The following ANKRD17 variants were observed in gnomAD, a reference collection of about 807,000 sequenced individuals.
The protein encoded by ANKRD17 is ankyrin repeat domain 17, also known as ankyrin repeat domain-containing protein 17.
Under a neutral mutation model 229.7 loss-of-function variants are expected in ANKRD17, and 19 were observed. The observed-to-expected ratio is 0.08, with a 90% CI of 0.06 to 0.12. The LOEUF (loss-of-function observed/expected upper bound fraction) is 0.12, where lower values mean the gene tolerates loss of function less well. Ranked by LOEUF, ANKRD17 falls within the 10% of genes least tolerant of loss-of-function variation. The pLI, the probability that ANKRD17 is intolerant of heterozygous loss-of-function variation, is 1.00. For synonymous variants in ANKRD17, 1,112 were observed against 1,146.1 expected, an observed-to-expected ratio of 0.97 and a Z score of 0.60; for missense variants, 2,176 against 3,176.8, an observed-to-expected ratio of 0.68 and a Z score of 7.57.
chr4:73,198,825 T>C (rs1008136891), intron 1 of ANKRD17, among the ~76,000 whole-genome samples: 3 of 152,158 alleles, frequency 2.0e-5, no homozygotes, highest in Admixed American at 6.5e-5. Flanking sequence ...CATTCTCCCA[T>C]GAATTGTATG....
chr4:73,155,529 T>C (rs1731550120), intron 5 of ANKRD17, 102 bp downstream of exon 5: 3 of 1,310,756 alleles, frequency 2.3e-6, no homozygotes, highest in Non-Finnish European at 3.2e-6. Flanking sequence ...GCACTTCTAA[T>C]AAGAGAACTG....
chr4:73,088,413 A>G (rs1022330185), intron 29 of ANKRD17, among the ~76,000 whole-genome samples: 1 of 152,160 alleles, frequency 6.6e-6, no homozygotes, highest in Non-Finnish European at 1.5e-5. Context: ...TACACTCCCT[A>G]AAAACCTCAC....
chr4:73,173,324 T>C (rs1042478484), intron 2 of ANKRD17, among the ~76,000 whole-genome samples: 1 of 152,152 alleles, frequency 6.6e-6, no homozygotes, highest in African/African-American at 2.4e-5. Context: ...AAGGTAAAGA[T>C]AGAACCCCAA....
intron 1 of ANKRD17, among the ~76,000 whole-genome samples, chr4:73,184,196 G>A (rs1271053278): frequency 1.3e-5 from 2 of 152,124 alleles, no homozygotes; most frequent in African/African-American, 4.8e-5. Flanking sequence ...GGTTCGTTCT[G>A]TAGTTTAATA....
At chr4:73,241,086 C>G (rs1378877939) in intron 1 of ANKRD17, among the ~76,000 whole-genome samples, 2 of 152,040 alleles carry the variant, frequency 1.3e-5, no homozygotes, top group East Asian at 3.9e-4. Flanking sequence ...GCTAGGATTA[C>G]AGATGTGAGC....
At chr4:73,113,182 G>C (rs1188057047) in intron 24 of ANKRD17, 1 of 1,283,378 alleles carries the variant, frequency 7.8e-7, no homozygotes. Context: ...TTAAGTTCTA[G>C]AGTACAGAAT....
chr4:73,213,238 C>G lies in ANKRD17; in HGVS notation c.394-35705G>C, dbSNP rs145398244. On this transcript the variant is annotated intron_variant, in intron 1 of 33. Transcript: ENST00000358602. ...TAGGCAAGTGGCAACAGGACAGATT[C>G]AAGGTTAGAACCAGGTAAGGATAAA... 6.1e-3 allele frequency among the ~76,000 whole-genome samples: 933 copies of G among 152,154 alleles called. 11 individuals carry two copies. Among genetic ancestry groups the G allele is most frequent in the African/African-American group, 0.019 (777 of 41,500 alleles).
At chr4:73,250,588 T>TAAAAAAAA (rs1744906611) in intron 1 of ANKRD17, among the ~76,000 whole-genome samples, 1 of 6,262 alleles carries the variant, frequency 1.6e-4, no homozygotes, top group African/African-American at 2.3e-3. Context: ...TGACCTTGTC[T>TAAAAAAAA]CAAAAAAAAA....
At chr4:73,169,917 T>C (rs939896861) in intron 2 of ANKRD17, among the ~76,000 whole-genome samples, 1 of 151,950 alleles carries the variant, frequency 6.6e-6, no homozygotes, top group African/African-American at 2.4e-5. Context: ...ATCCCAGCAG[T>C]CCAAATTTGA....
chr4:73,197,744 G>C (rs2149093303), intron 1 of ANKRD17, among the ~76,000 whole-genome samples: 1 of 152,188 alleles, frequency 6.6e-6, no homozygotes, highest in South Asian at 2.1e-4. Context: ...ACTGTGCCCA[G>C]GAGTTTGAGG....
intron 15 of ANKRD17, among the ~76,000 whole-genome samples, chr4:73,137,837 G>A (rs1367312259): frequency 6.6e-6 from 1 of 151,934 alleles, no homozygotes; most frequent in Non-Finnish European, 1.5e-5. Context: ...AATTGTTTTT[G>A]TTTCATGTAT....
intron 1 of ANKRD17, among the ~76,000 whole-genome samples, chr4:73,189,407 T>TG (rs1267076660): frequency 7.1e-6 from 1 of 140,586 alleles, no homozygotes; most frequent in Non-Finnish European, 1.6e-5. Flanking sequence ...TGGAATGTTT[T>TG]TTTTTTTTTT....
chr4:73,161,858 A>G (rs1283223110), intron 2 of ANKRD17, among the ~76,000 whole-genome samples: 1 of 152,062 alleles, frequency 6.6e-6, no homozygotes, highest in Non-Finnish European at 1.5e-5. Flanking sequence ...GGAAATGTCT[A>G]CATTTTATTT....
At chr4:73,256,008 G>A (rs553370007) in intron 1 of ANKRD17, among the ~76,000 whole-genome samples, 20 of 152,312 alleles carry the variant, frequency 1.3e-4, no homozygotes, top group African/African-American at 4.6e-4. Flanking sequence ...TTACAGGCGT[G>A]AGCTACCACG....
At chr4:73,170,223 G>T (rs1160339356) in intron 2 of ANKRD17, among the ~76,000 whole-genome samples, 2 of 151,992 alleles carry the variant, frequency 1.3e-5, no homozygotes, top group Non-Finnish European at 2.9e-5. Context: ...TTGCATCTTG[G>T]ATACAAGCTT....
chr4:73,171,972 G>A (rs1269769050), intron 2 of ANKRD17, among the ~76,000 whole-genome samples: 2 of 152,110 alleles, frequency 1.3e-5, no homozygotes, highest in Admixed American at 6.6e-5. Context: ...TTAAAGAGGA[G>A]GTAAAGAAAG....
At chr4:73,172,990 A>C (rs1423181282) in intron 2 of ANKRD17, among the ~76,000 whole-genome samples, 1 of 152,194 alleles carries the variant, frequency 6.6e-6, no homozygotes, top group East Asian at 1.9e-4. Context: ...AATGGACTTA[A>C]AGGACTACAA....
At position 73,204,146 on chromosome 4, in the gene ANKRD17, C is replaced by T. The variant is rs1739103747; in HGVS notation, c.394-26613G>A. 2.6e-5 allele frequency among the ~76,000 whole-genome samples: 4 copies of T among 151,788 alleles called. No individual in the cohort carries two copies. The South Asian group carries it at 8.3e-4, about 31-fold the overall frequency. On this transcript the variant is annotated intron_variant, in intron 1 of 33. Coordinates refer to ENST00000358602, the MANE Select transcript of ANKRD17 (RefSeq NM_032217.5). ...AGGCACAGGCGGGCGATCACGAGGT[C>T]AGGTCACTGAGACCATCCTGGTAAC...
chr4:73,202,260 C>T (rs971386002), intron 1 of ANKRD17, among the ~76,000 whole-genome samples: 1 of 147,916 alleles, frequency 6.8e-6, no homozygotes, highest in Non-Finnish European at 1.5e-5. Flanking sequence ...AGTCCTACTC[C>T]TTCCCATCTT....
Sources: allele counts gnomAD v4.1 joint callset (sites outside exome capture counted in the v4.1 genomes callset), GRCh38; gene constraint gnomAD v4.1.1; transcripts MANE v1.5; gene names NCBI Gene and HGNC (gene_info 2026-07-23, HGNC 2026-07-21).